Variants in CLEC4F observed in about 807,000 individuals in gnomAD.
The protein encoded by CLEC4F is C-type lectin domain family 4 member F.
A neutral mutation model predicts 53.4 loss-of-function variants in CLEC4F; 45 were observed. That is an observed-to-expected ratio of 0.84 (90% CI 0.66 to 1.08). The LOEUF (loss-of-function observed/expected upper bound fraction) is 1.08, where lower values mean the gene tolerates loss of function less well. Among genes scored for constraint, CLEC4F ranks in the 50% least tolerant of loss-of-function variants. The pLI is 0.00. For missense variants in CLEC4F, 753 were observed against 698.2 expected, an observed-to-expected ratio of 1.08 and a Z score of -0.88; for synonymous variants, 245 against 257.5, an observed-to-expected ratio of 0.95 and a Z score of 0.46.
rs143957481 is a variant in CLEC4F, at chr2:70,820,517, C to T, written c.7G>A (p.Gly3Ser). Reference sequence around the variant, plus strand: ...TCTGTGCAGAAGCGGACTGCCTCACCGTCCATCTCTGCTTCCTTGATCCTC... The same window carrying T: ...TCTGTGCAGAAGCGGACTGCCTCACTGTCCATCTCTGCTTCCTTGATCCTC... Reference protein sequence around the residue: MDGEAVRFCTDNQ... With the variant: MDSEAVRFCTDNQ... Residue 3 changes from glycine to serine, a missense_variant, in exon 1 of 7, where the codon GGT becomes AGT. Coordinates refer to ENST00000272367, the MANE Select transcript of CLEC4F (RefSeq NM_173535.3). 1.1e-3 allele frequency: 1,795 copies of T among 1,587,154 alleles called. 18 individuals carry two copies. Among genetic ancestry groups the T allele is most frequent in the Admixed American group, 1.4e-3 (81 of 57,274 alleles).
Position 70,819,881 on chromosome 2 carries a change from A to G in CLEC4F, c.72T>C (p.Ser24=). ...CVSLHPQEVD[S]VAMAPAAPKI... Reference sequence around the variant, plus strand: ...TGGGGGCTGCAGGAGCCATTGCCACAGAGTCCACCTCTGCAGGGGAGAAGG... The same window carrying G: ...TGGGGGCTGCAGGAGCCATTGCCACGGAGTCCACCTCTGCAGGGGAGAAGG... Residue 24 remains serine, a synonymous_variant, in exon 2 of 7, where the codon TCT becomes TCC. Coordinates refer to ENST00000272367, the MANE Select transcript of CLEC4F (RefSeq NM_173535.3). 2 of 1,593,746 alleles carry G rather than the reference A, an allele frequency of 1.3e-6. No individual in the cohort carries two copies. The highest frequency in any genetic ancestry group is 1.7e-6 in the Non-Finnish European group (2 of 1,170,886).
At position 70,820,163 on chromosome 2, in the gene CLEC4F, G is replaced by C. The variant is rs1028409040; in HGVS notation, c.62-272C>G. ...GATCTCCAAATCTCAAGGAGGCTTT[G>C]GTGGTGCACAGGGCACAGAACCTGG... On this transcript the variant is annotated intron_variant, in intron 1 of 6. Transcript: ENST00000272367. Among the ~76,000 whole-genome samples the C allele has an allele frequency of 9.2e-5, 14 of 152,208 alleles. No individual in the cohort carries two copies. The South Asian group carries it at 2.1e-3, about 23-fold the overall frequency.
chr2:70,819,721 C>T, intron 2 of CLEC4F, 54 bp downstream of exon 2: 1 of 1,353,372 alleles, frequency 7.4e-7, no homozygotes. Context: ...CCCCTGGGGA[C>T]TTTGTGCTGA....
intron 4 of CLEC4F, among the ~76,000 whole-genome samples, chr2:70,814,751 A>G (rs1553395358): frequency 6.6e-6 from 1 of 152,130 alleles, no homozygotes; most frequent in African/African-American, 2.4e-5. Flanking sequence ...CCTTTAAGAA[A>G]AAAAATTAAG....
At position 70,816,808 on chromosome 2, in the gene CLEC4F, A is replaced by G. The variant is rs190522067; in HGVS notation, c.573T>C (p.Asp191=). 263 of 1,614,142 alleles carry G rather than the reference A, an allele frequency of 1.6e-4. 1 individual carries two copies. In the East Asian group the frequency reaches 4.2e-3, roughly 26 times the overall value. ...QRLKEDLEKA[D]ALTFQTLNFL... ...AATTCAGCGTCTGGAAAGTTAAAGC[A>G]TCTGCCTTTTCAAGGTCTTCCTTGA... The change falls in exon 4 of 7, where the codon GAT becomes GAC. Residue 191 remains aspartate (D), a synonymous_variant. Coordinates refer to ENST00000272367, the MANE Select transcript of CLEC4F (RefSeq NM_173535.3).
At chr2:70,815,896 G>A (rs1676869303) in intron 4 of CLEC4F, 98 bp downstream of exon 4, 2 of 1,292,646 alleles carry the variant, frequency 1.5e-6, no homozygotes, top group South Asian at 1.5e-5. Context: ...TGGTCAAGGA[G>A]ATGCATGTTG....
At chr2:70,818,053 T>G (rs1260217818) in intron 3 of CLEC4F, among the ~76,000 whole-genome samples, 1 of 152,088 alleles carries the variant, frequency 6.6e-6, no homozygotes, top group Non-Finnish European at 1.5e-5. Context: ...CAGTCTCCCC[T>G]CAGGAATAGG....
At chr2:70,810,954 A>T in intron 5 of CLEC4F, 3 of 551,486 alleles carry the variant, frequency 5.4e-6, no homozygotes, top group African/African-American at 1.9e-5. Context: ...ATATCTGCCA[A>T]TGATGAAAAT....
upstream of CLEC4F, among the ~76,000 whole-genome samples, chr2:70,823,023 G>A (rs576729256): frequency 3.6e-4 from 55 of 152,340 alleles, 1 homozygote; most frequent in Admixed American, 3.5e-3. Context: ...CGTGGCTGAT[G>A]TCAACCCGGC....
chr2:70,819,702 C>T, intron 2 of CLEC4F, 73 bp downstream of exon 2: 2 of 1,082,788 alleles, frequency 1.8e-6, no homozygotes, highest in Non-Finnish European at 2.7e-6. Flanking sequence ...AGAGAGTGTG[C>T]ATCTGGGGCC....
At chr2:70,811,667 C>T (rs1305864218) in intron 5 of CLEC4F, among the ~76,000 whole-genome samples, 1 of 152,182 alleles carries the variant, frequency 6.6e-6, no homozygotes, top group East Asian at 1.9e-4. Flanking sequence ...CGACAGTGAG[C>T]CACCTGGGAC....
chr2:70,810,955 T>A (rs75962478), intron 5 of CLEC4F: 95 of 552,758 alleles, frequency 1.7e-4, no homozygotes, highest in Non-Finnish European at 3.2e-4. Context: ...TATCTGCCAA[T>A]GATGAAAATA....
Position 70,816,032 on chromosome 2 carries a change from A to G in CLEC4F, c.1349T>C (p.Val450Ala). ...TAGCTGTTCCTGTGAAGTAATGACCACATGGAGGGTCTTCAGGCGACTCTG... is the reference window on the plus strand; with the variant it reads ...TAGCTGTTCCTGTGAAGTAATGACCGCATGGAGGGTCTTCAGGCGACTCTG... The part of the protein sequence containing the change: ...QEQSRLKTLH[V>A]VITSQEQLQR... Residue 450 changes from valine to alanine, a missense_variant, in exon 4 of 7, where the codon GTG (valine) becomes GCG (alanine). By Grantham distance (64) the Val-to-Ala change is moderately conservative. Coordinates refer to ENST00000272367, the MANE Select transcript of CLEC4F (RefSeq NM_173535.3). 1 of 1,614,080 alleles carries G rather than the reference A, an allele frequency of 6.2e-7. No homozygotes were observed. The highest frequency in any genetic ancestry group is 1.1e-5 in the South Asian group (1 of 91,052).
rs1553394852 is a variant in CLEC4F at position 70,813,528 on chromosome 2, TTTCTTTC to T, written c.1388-937_1388-931del. ...TTTCTTTCTTTTCTTTCTTTCTTTC[TTTCTTTC>T]TTTTTTTCTTTCTTTCTTTTTTTCT... is the stretch of plus-strand genomic sequence containing the variant. On this transcript the variant is annotated intron_variant, in intron 4 of 6. Coordinates refer to ENST00000272367, the MANE Select transcript of CLEC4F (RefSeq NM_173535.3). Among the ~76,000 whole-genome samples the T allele has an allele frequency of 3.3e-5, 5 of 151,414 alleles. No individual in the cohort carries two copies. In the South Asian group the frequency reaches 1.0e-3, roughly 32 times the overall value.
Position 70,811,387 on chromosome 2 carries a change from A to G in CLEC4F, c.1539+1060T>C, listed in dbSNP as rs1215429439. 1.3e-5 allele frequency: 10 copies of G among 748,582 alleles called. No individual in the cohort carries two copies. The African/African-American group carries it at 1.7e-4, about 13-fold the overall frequency. 46.4% of individuals were successfully genotyped at this position (748,582 alleles called of 1,614,324 possible). On this transcript the variant is annotated intron_variant, in intron 5 of 6. Transcript: ENST00000272367. ...GCTAGTGTACTGTCCATTTTATCAA[A>G]GGATTCATCAGGCCAATTATAGATA...
intron 1 of CLEC4F, among the ~76,000 whole-genome samples, chr2:70,820,212 T>C (rs760179603): frequency 6.6e-5 from 10 of 151,738 alleles, no homozygotes; most frequent in Non-Finnish European, 1.3e-4. Context: ...GCAACAAAAG[T>C]GTAGTTTGAA....
Position 70,808,994 on chromosome 2 carries a change from C to T in CLEC4F, c.*277G>A. On this transcript the variant is annotated 3_prime_UTR_variant, in exon 7 of 7. Transcript: ENST00000272367. ...TGATAGGGGGTGTCACAGGTCATGT[C>T]ATTCCACTTCTGCTGAATTTGGACA... 7.7e-7 allele frequency: 1 copy of T among 1,291,844 alleles called. No homozygotes were observed. The highest frequency in any genetic ancestry group is 1.1e-6 in the Non-Finnish European group (1 of 927,818). The allele number at this position is 1,291,844 out of a possible 1,614,324, so 80.0% of individuals were successfully genotyped here.
Position 70,809,766 on chromosome 2 carries a change from G to A in CLEC4F, c.1631C>T (p.Thr544Ile). The A allele has an allele frequency of 6.2e-7, 1 of 1,614,070 alleles. No individual in the cohort carries two copies. Among genetic ancestry groups the A allele is most frequent in the Non-Finnish European group, 8.5e-7 (1 of 1,179,924 alleles). ...TEGSWRWTDGTPFNAAQNKAP... is the reference protein window; with the variant it reads ...TEGSWRWTDGIPFNAAQNKAP... ...TTTGTTCTGGGCGGCGTTGAATGGTGTCCCATCTGTCCAGCGCCAGGAGCC... is the reference window on the plus strand; with the variant it reads ...TTTGTTCTGGGCGGCGTTGAATGGTATCCCATCTGTCCAGCGCCAGGAGCC... Residue 544 changes from threonine (T) to isoleucine (I), a missense_variant, in exon 6 of 7, where the codon ACA (threonine) becomes ATA (isoleucine). Thr to Ile is a moderately conservative substitution (Grantham distance 89). Transcript: ENST00000272367.
intron 3 of CLEC4F, 27 bp downstream of exon 3, chr2:70,819,328 C>T (rs1677093824): frequency 6.3e-7 from 1 of 1,590,626 alleles, no homozygotes; most frequent in Non-Finnish European, 8.6e-7. Context: ...GTTCCCTCTG[C>T]ACCCCACCCC....
Sources: allele counts gnomAD v4.1 joint callset (sites outside exome capture counted in the v4.1 genomes callset), GRCh38; gene constraint gnomAD v4.1.1; transcripts MANE v1.5; gene names NCBI Gene and HGNC (gene_info 2026-07-23, HGNC 2026-07-21).